Variants in PSD3 observed in about 807,000 individuals in gnomAD.
PSD3 encodes the protein PH and SEC7 domain-containing protein 3.
In PSD3, 49 loss-of-function variants were observed where a neutral mutation model predicts 105.5. The observed-to-expected ratio is 0.46, with a 90% CI of 0.37 to 0.59. The LOEUF (loss-of-function observed/expected upper bound fraction) is 0.59, where lower values mean the gene tolerates loss of function less well. PSD3 is among the 20% of genes least tolerant of loss of function. PSD3 has a pLI of 0.00. For missense variants in PSD3, 1,561 were observed against 1,263.8 expected, an observed-to-expected ratio of 1.24 and a Z score of -3.57; for synonymous variants, 557 against 457.8, an observed-to-expected ratio of 1.22 and a Z score of -2.77.
intron 1 of PSD3, among the ~76,000 whole-genome samples, chr8:19,027,180 G>C (rs890458440): frequency 2.0e-4 from 31 of 151,920 alleles, no homozygotes; most frequent in Non-Finnish European, 4.0e-4. Context: ...TCCTATTAAA[G>C]ACTCTCATTC....
chr8:19,001,739 C>T (rs924289807), intron 1 of PSD3: 12 of 152,814 alleles, frequency 7.9e-5, no homozygotes, highest in Middle Eastern at 2.4e-3. Context: ...GCAGCAGCCC[C>T]GGGCTCAGAG....
chr8:18,978,610 A>C (rs1825081201), intron 1 of PSD3, among the ~76,000 whole-genome samples: 1 of 152,146 alleles, frequency 6.6e-6, no homozygotes, highest in Non-Finnish European at 1.5e-5. Flanking sequence ...TAACCTCAAC[A>C]TGGGGTTTAC....
rs571407484 is a variant in PSD3 at position 18,618,448 on chromosome 8, CT to C, written c.2410+14164del. Among the ~76,000 whole-genome samples, 18 of 151,006 alleles carry C rather than the reference CT, an allele frequency of 1.2e-4. 1 individual carries two copies. The East Asian group carries it at 1.4e-3, about 11-fold the overall frequency. On this transcript the variant is annotated intron_variant, in intron 11 of 15. Coordinates refer to ENST00000327040, the MANE Select transcript of PSD3 (RefSeq NM_015310.4). ...TCTTCAAATATTTTACAGACTTTGG[CT>C]TTTTTTTGTCAACAATATCATTTTT...
chr8:18,876,554 A>T (rs1817745892), intron 2 of PSD3, among the ~76,000 whole-genome samples: 1 of 151,768 alleles, frequency 6.6e-6, no homozygotes, highest in Non-Finnish European at 1.5e-5. Flanking sequence ...CACCATGCCC[A>T]GCTAATTTTT....
intron 2 of PSD3, among the ~76,000 whole-genome samples, chr8:18,893,988 C>T (rs552375288): frequency 1.3e-5 from 2 of 152,322 alleles, no homozygotes; most frequent in South Asian, 4.1e-4. Context: ...GAAGCAATAT[C>T]TATCATCCAA....
At chr8:18,794,950 T>C (rs57290482) in intron 8 of PSD3, among the ~76,000 whole-genome samples, 97,535 of 134,388 alleles carry the variant, frequency 0.73, 39,425 homozygotes, top group Non-Finnish European at 0.83. Flanking sequence ...ATTTTTATAA[T>C]AGTCATTTTC....
chr8:19,005,041 A>T (rs1455716074), intron 1 of PSD3, among the ~76,000 whole-genome samples: 1 of 152,088 alleles, frequency 6.6e-6, no homozygotes, highest in Non-Finnish European at 1.5e-5. Flanking sequence ...AATACGAGCC[A>T]ATAAGCACGT....
chr8:18,591,201 C>G (rs1230566305), intron 12 of PSD3, among the ~76,000 whole-genome samples: 1 of 152,158 alleles, frequency 6.6e-6, no homozygotes, highest in East Asian at 1.9e-4. Flanking sequence ...ATCAACCCCT[C>G]CCTGAAGCTA....
intron 5 of PSD3, 35 bp from the exon 6 acceptor site, chr8:18,804,637 G>C (rs1007451165): frequency 1.2e-6 from 2 of 1,610,952 alleles, no homozygotes; most frequent in Admixed American, 1.7e-5. Context: ...GTTATTGAAA[G>C]GTAAACTATT....
At chr8:19,079,252 G>C (rs1829564325) in intron 1 of PSD3, among the ~76,000 whole-genome samples, 1 of 152,072 alleles carries the variant, frequency 6.6e-6, no homozygotes, top group Admixed American at 6.5e-5. Context: ...AATAAATCAA[G>C]ACATCTGTGT....
chr8:18,829,508 T>C (rs879334852), intron 4 of PSD3, among the ~76,000 whole-genome samples: 4 of 152,186 alleles, frequency 2.6e-5, no homozygotes, highest in Admixed American at 6.5e-5. Context: ...TGTTCCAGAT[T>C]TGCTGCGTTT....
chr8:18,996,038 T>A (rs1378714089), intron 1 of PSD3, among the ~76,000 whole-genome samples: 1 of 151,972 alleles, frequency 6.6e-6, no homozygotes, highest in Non-Finnish European at 1.5e-5. Context: ...TTCAACAATG[T>A]CCCCAGGTGA....
chr8:18,860,914 T>C lies in PSD3; in HGVS notation c.1634+6760A>G, dbSNP rs185675225. ...CAATGTCTGTTATCATTTGATGCCA[T>C]TCTTTGATCAAAGCTCATCCAAGTA... On this transcript the variant is annotated intron_variant, in intron 4 of 15. Coordinates refer to ENST00000327040, the MANE Select transcript of PSD3 (RefSeq NM_015310.4). Among the ~76,000 whole-genome samples, 65 of 152,324 alleles carry C rather than the reference T, an allele frequency of 4.3e-4. 1 individual carries two copies. The highest frequency in any genetic ancestry group is 3.1e-4 in the Non-Finnish European group (21 of 68,026).
At position 18,638,092 on chromosome 8, in the gene PSD3, T is replaced by C. The variant is rs550039510; in HGVS notation, c.2217-5286A>G. On this transcript the variant is annotated intron_variant, in intron 10 of 15. Coordinates refer to ENST00000327040, the MANE Select transcript of PSD3 (RefSeq NM_015310.4). ...ACTGCTTGAACCTGGCAAGTGGAGG[T>C]TGCAGTGAGCTAAGATCACGCCACT... Among the ~76,000 whole-genome samples, 34 of 149,808 alleles carry C rather than the reference T, an allele frequency of 2.3e-4. 1 individual carries two copies. In the South Asian group the frequency reaches 7.1e-3, roughly 31 times the overall value.
At chr8:18,615,758 G>C (rs893721826) in intron 11 of PSD3, among the ~76,000 whole-genome samples, 1 of 152,176 alleles carries the variant, frequency 6.6e-6, no homozygotes. Flanking sequence ...TGCTGAATCA[G>C]ACAAGTGGGC....
At chr8:18,652,428 G>A (rs559061809) in intron 10 of PSD3, among the ~76,000 whole-genome samples, 2 of 151,832 alleles carry the variant, frequency 1.3e-5, no homozygotes, top group South Asian at 2.1e-4. Context: ...TGGGAGAAAC[G>A]GGAGAGCACA....
intron 9 of PSD3, among the ~76,000 whole-genome samples, chr8:18,735,896 A>C (rs552068510): frequency 1.3e-5 from 2 of 152,188 alleles, no homozygotes; most frequent in Non-Finnish European, 2.9e-5. Flanking sequence ...GGCAAATTGA[A>C]CAAAGATTGT....
chr8:18,890,514 T>C (rs1818719737), intron 2 of PSD3, among the ~76,000 whole-genome samples: 1 of 152,148 alleles, frequency 6.6e-6, no homozygotes, highest in Admixed American at 6.5e-5. Context: ...AGCTCTGTAC[T>C]CTAATACGCT....
chr8:18,848,130 T>TC (rs1336273277), intron 4 of PSD3, among the ~76,000 whole-genome samples: 2 of 110,862 alleles, frequency 1.8e-5, no homozygotes, highest in Non-Finnish European at 3.9e-5. Context: ...CTTTCGAGAG[T>TC]TAAAAAAAAA....
Sources: allele counts gnomAD v4.1 joint callset (sites outside exome capture counted in the v4.1 genomes callset), GRCh38; gene constraint gnomAD v4.1.1; transcripts MANE v1.5; gene names NCBI Gene and HGNC (gene_info 2026-07-23, HGNC 2026-07-21).